RPH3AL: variants seen among roughly 807,000 people sequenced by gnomAD.
RPH3AL encodes rab effector Noc2.
RPH3AL carries 38 observed loss-of-function variants against 43.1 expected under a neutral mutation model. That is an observed-to-expected ratio of 0.88 (90% CI 0.68 to 1.15). RPH3AL has a LOEUF of 1.15. RPH3AL is among the 50% of genes most tolerant of loss of function. The probability of loss-of-function intolerance (pLI) is 0.00; values close to 1 mark genes in which losing one functional copy is unlikely to be tolerated. For synonymous variants in RPH3AL, 189 were observed against 176.3 expected, an observed-to-expected ratio of 1.07 and a Z score of -0.57; for missense variants, 462 against 423.2, an observed-to-expected ratio of 1.09 and a Z score of -0.81.
chr17:349,491 A>C (rs2038866209), intron 1 of RPH3AL: 1 of 152,296 alleles, frequency 6.6e-6, no homozygotes, highest in African/African-American at 2.4e-5. Context: ...CTCTAAGGTT[A>C]AATGCACGTT....
intron 1 of RPH3AL, among the ~76,000 whole-genome samples, chr17:337,122 A>AT (rs11453667): frequency 0.82 from 123,423 of 150,140 alleles, 51,145 homozygotes; most frequent in Admixed American, 0.89. Context: ...CGCACCAATA[A>AT]TTTTTTTTTT....
At chr17:305,833 C>T (rs1434101793) in intron 5 of RPH3AL, among the ~76,000 whole-genome samples, 1 of 151,826 alleles carries the variant, frequency 6.6e-6, no homozygotes, top group Non-Finnish European at 1.5e-5. Flanking sequence ...TCCCCAGCCC[C>T]TTTCTTCCTT....
At chr17:273,679 C>T (rs9789021) in intron 6 of RPH3AL, among the ~76,000 whole-genome samples, 2 of 89,624 alleles carry the variant, frequency 2.2e-5, no homozygotes, top group African/African-American at 9.7e-5. Flanking sequence ...CTGAAGAGAT[C>T]GGAACACGAA....
intron 6 of RPH3AL, among the ~76,000 whole-genome samples, chr17:272,301 C>T (rs1378661646): frequency 1.3e-5 from 2 of 152,030 alleles, no homozygotes; most frequent in African/African-American, 4.8e-5. Flanking sequence ...AAGACACATG[C>T]ACACGTATGT....
chr17:298,237 T>C (rs372759456), intron 5 of RPH3AL, among the ~76,000 whole-genome samples: 1 of 152,134 alleles, frequency 6.6e-6, no homozygotes, highest in Non-Finnish European at 1.5e-5. Context: ...ACCAGCTCAG[T>C]GTGGGGTGCT....
At position 215,580 on chromosome 17, in the gene RPH3AL, T is replaced by G; in HGVS notation, c.876+74A>C. 5.9e-6 allele frequency: 7 copies of G among 1,194,026 alleles called. No homozygotes were observed. The highest frequency in any genetic ancestry group is 7.4e-6 in the Non-Finnish European group (7 of 943,962). 74.0% of individuals were successfully genotyped at this position (1,194,026 alleles called of 1,614,324 possible). On this transcript the variant is annotated intron_variant, in intron 9 of 9. Coordinates refer to ENST00000331302, the MANE Select transcript of RPH3AL (RefSeq NM_006987.4). This position sits in a 1 kb window ranked among gnomAD's most constrained non-coding sequence, Gnocchi z 4.1. ...GAAAACGTCACCGACCAGTCTCCAG[T>G]TTGGGAGGAGTGAGTGAGAGAGGAC... is the stretch of plus-strand genomic sequence containing the variant.
rs2044525631 is a variant in RPH3AL, at chr17:323,137, G to A, written c.78-1722C>T. On this transcript the variant is annotated intron_variant, in intron 3 of 9. Coordinates refer to ENST00000331302, the MANE Select transcript of RPH3AL (RefSeq NM_006987.4). This position sits in a 1 kb window ranked among gnomAD's most constrained non-coding sequence, Gnocchi z 4.4. ...GTGTGAGCTTTTGCAGGATGAACAG[G>A]TGCTTCCCCATGGAAGGAGGGAGGC... is the stretch of plus-strand genomic sequence containing the variant. 6.6e-6 allele frequency among the ~76,000 whole-genome samples: 1 copy of A among 152,100 alleles called. No individual in the cohort carries two copies. The highest frequency in any genetic ancestry group is 2.4e-5 in the African/African-American group (1 of 41,426).
chr17:324,062 C>T (rs1188533194), intron 3 of RPH3AL, among the ~76,000 whole-genome samples: 5 of 151,838 alleles, frequency 3.3e-5, no homozygotes, highest in Non-Finnish European at 5.9e-5. Context: ...CTCAGCCACG[C>T]GGCGAGGCAG....
At chr17:318,423 G>T (rs1252253161) in intron 5 of RPH3AL, among the ~76,000 whole-genome samples, 1 of 152,166 alleles carries the variant, frequency 6.6e-6, no homozygotes, top group Non-Finnish European at 1.5e-5. Context: ...GAAGTTACTT[G>T]AGGATGGGTT....
Position 321,308 on chromosome 17 carries a change from G to A in RPH3AL, c.185C>T (p.Ala62Val). The change falls in exon 4 of 10, where the codon GCA becomes GTA. Residue 62 changes from alanine to valine, a missense_variant. Ala to Val is a moderately conservative substitution (Grantham distance 64). Coordinates refer to ENST00000331302, the MANE Select transcript of RPH3AL (RefSeq NM_006987.4). ...VEAILQVIQR[A>V]ERLDVLEQQR... ...CTGCTCCAGGACGTCGAGCCGCTCT[G>A]CCCTCTGGATGACCTGCAGGATGGC... 1 of 1,610,838 alleles carries A rather than the reference G, an allele frequency of 6.2e-7. No homozygotes were observed. The highest frequency in any genetic ancestry group is 1.3e-5 in the African/African-American group (1 of 75,040).
intron 5 of RPH3AL, among the ~76,000 whole-genome samples, chr17:286,590 A>G (rs1330854359): frequency 1.3e-5 from 2 of 152,236 alleles, no homozygotes; most frequent in Non-Finnish European, 2.9e-5. Context: ...CCAGGTTCCA[A>G]TAAAGAAAAC....
At chr17:318,181 A>C (rs368574969) in intron 5 of RPH3AL, among the ~76,000 whole-genome samples, 2 of 152,044 alleles carry the variant, frequency 1.3e-5, no homozygotes, top group African/African-American at 4.8e-5. Flanking sequence ...TCAGGAGTTC[A>C]AGACCAGCCT....
intron 6 of RPH3AL, among the ~76,000 whole-genome samples, chr17:266,611 G>A (rs1318123548): frequency 3.3e-5 from 5 of 152,256 alleles, no homozygotes; most frequent in Non-Finnish European, 5.9e-5. Context: ...GCTTTCTCCA[G>A]AGCCTGAGTG....
rs1304351235 is a variant in RPH3AL at position 333,350 on chromosome 17, AC to A, written c.-37+408del. The A allele has an allele frequency of 1.6e-6, 2 of 1,235,584 alleles. No homozygotes were observed. Among genetic ancestry groups the A allele is most frequent in the Admixed American group, 2.3e-5 (1 of 43,288 alleles). 76.5% of individuals were successfully genotyped at this position (1,235,584 alleles called of 1,614,324 possible). A position where few individuals can be genotyped will look rare whatever the true frequency, so the allele number is the denominator to read the frequency against. ...AACACCTTAAATTCTCACATCAGCCACCCCCATGGCGACTCTTAACACCTTA... is the reference window on the plus strand; with the variant it reads ...AACACCTTAAATTCTCACATCAGCCACCCCATGGCGACTCTTAACACCTTA... On this transcript the variant is annotated intron_variant, in intron 2 of 9. Coordinates refer to ENST00000331302, the MANE Select transcript of RPH3AL (RefSeq NM_006987.4). The surrounding 1 kb of genome is among the most constrained non-coding windows in gnomAD (Gnocchi z 4.5).
intron 5 of RPH3AL, among the ~76,000 whole-genome samples, chr17:302,945 C>A (rs2043367061): frequency 6.6e-6 from 1 of 152,212 alleles, no homozygotes; most frequent in Non-Finnish European, 1.5e-5. Context: ...GGGAGCTTCG[C>A]ATTTCACACA....
At chr17:299,220 A>G (rs1183784687) in intron 5 of RPH3AL, among the ~76,000 whole-genome samples, 1 of 152,264 alleles carries the variant, frequency 6.6e-6, no homozygotes, top group East Asian at 1.9e-4. Context: ...TTGGCAACCC[A>G]GGTACTCAGG....
Position 322,900 on chromosome 17 carries a change from C to G in RPH3AL, c.78-1485G>C, listed in dbSNP as rs1029327564. On this transcript the variant is annotated intron_variant, in intron 3 of 9. Coordinates refer to ENST00000331302, the MANE Select transcript of RPH3AL (RefSeq NM_006987.4). This position sits in a 1 kb window ranked among gnomAD's most constrained non-coding sequence, Gnocchi z 4.0. ...TTTGGAGTCCACTGGACAGTCTTAT[C>G]TTCTGGTCCCGTCCCTTCCCAGATG... 1.3e-5 allele frequency among the ~76,000 whole-genome samples: 2 copies of G among 152,110 alleles called. No individual in the cohort carries two copies. The highest frequency in any genetic ancestry group is 4.8e-5 in the African/African-American group (2 of 41,416).
intron 2 of RPH3AL, among the ~76,000 whole-genome samples, chr17:329,185 T>C (rs1342782011): frequency 6.6e-6 from 1 of 152,072 alleles, no homozygotes; most frequent in African/African-American, 2.4e-5. Flanking sequence ...TTATAACTCA[T>C]TCACAGGCCA....
At chr17:292,859 C>G (rs569400749) in intron 5 of RPH3AL, among the ~76,000 whole-genome samples, 38 of 152,390 alleles carry the variant, frequency 2.5e-4, no homozygotes, top group African/African-American at 8.7e-4. Context: ...CTTACCCCGA[C>G]TACCCACAAA....
Sources: gnomAD v4.1 joint callset for allele counts (sites outside exome capture counted in the v4.1 genomes callset) on GRCh38, gnomAD v4.1.1 for gene constraint, Gnocchi (gnomAD v3.1) non-coding constraint, MANE v1.5 for transcripts, NCBI Gene and HGNC (gene_info 2026-07-23, HGNC 2026-07-21) for gene names.